RIMOC1: variants seen among roughly 807,000 people sequenced by gnomAD.
RIMOC1 encodes RAB7A-interacting MON1-CCZ1 complex subunit 1.
the RIMOC1 span, chr5:41,907,725 A>G: frequency 1.9e-6 from 3 of 1,560,718 alleles, no homozygotes; most frequent in East Asian, 2.3e-5. Flanking sequence ...TCATGTTTTT[A>G]TTTCTTATAG....
At chr5:41,918,627 C>T in the RIMOC1 span, 2 of 985,362 alleles carry the variant, frequency 2.0e-6, no homozygotes, top group Non-Finnish European at 2.4e-6. Flanking sequence ...AGAATCACTA[C>T]AAGTGTCTCA....
chr5:41,917,785 A>G, the RIMOC1 span: 1 of 891,140 alleles, frequency 1.1e-6, no homozygotes, highest in East Asian at 1.2e-4. Context: ...TAATATTCAG[A>G]TTCCATTTTC....
the RIMOC1 span, chr5:41,904,348 C>T: frequency 1.2e-6 from 2 of 1,611,182 alleles, no homozygotes; most frequent in African/African-American, 1.3e-5. Flanking sequence ...GTGACCGGGG[C>T]GCACCCGCCG....
chr5:41,911,214 G>C, the RIMOC1 span: 1 of 1,578,282 alleles, frequency 6.3e-7, no homozygotes. Flanking sequence ...TTTCATTGTT[G>C]ACATTTAGAG....
the RIMOC1 span, among the ~76,000 whole-genome samples, chr5:41,904,960 T>C: frequency 1.3e-5 from 2 of 152,228 alleles, no homozygotes; most frequent in African/African-American, 4.8e-5. Flanking sequence ...GTGTAGACTA[T>C]TCTGCCCCAT....
chr5:41,911,672 G>C, the RIMOC1 span, among the ~76,000 whole-genome samples: 1 of 152,030 alleles, frequency 6.6e-6, no homozygotes, highest in African/African-American at 2.4e-5. Flanking sequence ...TGAAATGCGA[G>C]GCCACACTTG....
chr5:41,911,151 T>A, the RIMOC1 span: 1 of 1,606,432 alleles, frequency 6.2e-7, no homozygotes, highest in East Asian at 2.2e-5. Context: ...AGAGAGTGGC[T>A]CTTAAGAAAA....
chr5:41,911,364 G>GA, the RIMOC1 span: 1 of 418,024 alleles, frequency 2.4e-6, no homozygotes, highest in Non-Finnish European at 4.1e-6. Context: ...GATAACATGT[G>GA]AAAGCACTTT....
At chr5:41,912,691 G>T in the RIMOC1 span, among the ~76,000 whole-genome samples, 1 of 152,124 alleles carries the variant, frequency 6.6e-6, no homozygotes, top group Non-Finnish European at 1.5e-5. Flanking sequence ...TCACTATCAC[G>T]AGAACAGAAT....
chr5:41,915,838 T>G, the RIMOC1 span, among the ~76,000 whole-genome samples: 1 of 152,226 alleles, frequency 6.6e-6, no homozygotes. Context: ...CACCATTCAT[T>G]CAGCTATTCT....
chr5:41,917,736 A>G, the RIMOC1 span: 31 of 941,166 alleles, frequency 3.3e-5, no homozygotes, highest in Non-Finnish European at 3.7e-5. Context: ...TTGAATACAT[A>G]CTATGGATAT....
At chr5:41,914,294 G>A in the RIMOC1 span, among the ~76,000 whole-genome samples, 1 of 152,040 alleles carries the variant, frequency 6.6e-6, no homozygotes, top group African/African-American at 2.4e-5. Flanking sequence ...CACAGTATAG[G>A]CACCATAGCA....
the RIMOC1 span, chr5:41,919,744 CT>C: frequency 6.6e-6 from 1 of 152,168 alleles, no homozygotes; most frequent in Non-Finnish European, 1.5e-5. Context: ...TAGGACTCAG[CT>C]TCAGTGATTC....
At chr5:41,906,061 T>G in the RIMOC1 span, among the ~76,000 whole-genome samples, 1 of 152,344 alleles carries the variant, frequency 6.6e-6, no homozygotes, top group East Asian at 1.9e-4. Flanking sequence ...ACATTCAAAC[T>G]TTGTTCTTTA....
the RIMOC1 span, chr5:41,909,838 T>G: frequency 6.3e-7 from 1 of 1,594,254 alleles, no homozygotes; most frequent in South Asian, 1.2e-5. Context: ...AAGAGCTGAT[T>G]AGTTTTCTTT....
the RIMOC1 span, chr5:41,917,258 G>T: frequency 2.5e-6 from 4 of 1,611,872 alleles, no homozygotes; most frequent in East Asian, 6.7e-5. Context: ...TACAACGAAT[G>T]CAAAACAAAT....
chr5:41,906,451 T>G, the RIMOC1 span, among the ~76,000 whole-genome samples: 1 of 152,198 alleles, frequency 6.6e-6, no homozygotes, highest in African/African-American at 2.4e-5. Context: ...CAGCAATGGT[T>G]TAGTGAGTTC....
At chr5:41,911,251 T>A in the RIMOC1 span, 1 of 1,399,600 alleles carries the variant, frequency 7.1e-7, no homozygotes, top group Non-Finnish European at 9.7e-7. Flanking sequence ...TTTGTTGTAC[T>A]ACTAAGAGTA....
At chr5:41,921,026 T>C in the RIMOC1 span, 1 of 152,612 alleles carries the variant, frequency 6.6e-6, no homozygotes, top group South Asian at 2.1e-4. Context: ...TAGACTTAGT[T>C]AAAGACCTGT....
Sources: gnomAD v4.1 joint callset for allele counts (sites outside exome capture counted in the v4.1 genomes callset) on GRCh38, gnomAD v4.1.1 for gene constraint, MANE v1.5 for transcripts, NCBI Gene and HGNC (gene_info 2026-07-23, HGNC 2026-07-21) for gene names.